GABRG3: variants seen among roughly 807,000 people sequenced by gnomAD.
GABRG3 encodes gamma-aminobutyric acid receptor subunit gamma-3.
Under a neutral mutation model 48.8 loss-of-function variants are expected in GABRG3, and 25 were observed. The ratio of observed to expected loss-of-function variants is 0.51; its 90% CI spans 0.37 to 0.72. The LOEUF (loss-of-function observed/expected upper bound fraction) is 0.72, where lower values mean the gene tolerates loss of function less well. Ranked by LOEUF, GABRG3 falls within the 30% of genes least tolerant of loss-of-function variation. The pLI is 0.00. For missense variants in GABRG3, 394 were observed against 577.9 expected, an observed-to-expected ratio of 0.68 and a Z score of 3.26; for synonymous variants, 227 against 217.6, an observed-to-expected ratio of 1.04 and a Z score of -0.38.
chr15:27,455,556 TTGTGTGTGGTG>T (rs1318722887), intron 5 of GABRG3, among the ~76,000 whole-genome samples: 2 of 147,084 alleles, frequency 1.4e-5, no homozygotes, highest in Admixed American at 6.8e-5. Context: ...GTTTGTGAGT[TTGTGTGTGGTG>T]TGTGTGTGGT....
chr15:27,531,931 A>G (rs1566882394), intron 9 of GABRG3, among the ~76,000 whole-genome samples: 1 of 152,152 alleles, frequency 6.6e-6, no homozygotes, highest in Non-Finnish European at 1.5e-5. Context: ...ATTTTTGGTT[A>G]TGCTTCTTGA....
chr15:27,258,288 T>C (rs1244511475), intron 3 of GABRG3, among the ~76,000 whole-genome samples: 1 of 152,106 alleles, frequency 6.6e-6, no homozygotes, highest in East Asian at 1.9e-4. Context: ...ACATAAACAA[T>C]AGTAATGAAA....
intron 3 of GABRG3, among the ~76,000 whole-genome samples, chr15:27,241,271 G>C (rs1473597379): frequency 6.6e-6 from 1 of 152,116 alleles, no homozygotes; most frequent in African/African-American, 2.4e-5. Flanking sequence ...TGAGGGAATG[G>C]GAAACCTGTA....
chr15:27,107,497 C>CT lies in GABRG3; in HGVS notation c.270+80683dup, dbSNP rs528571543. ...ATGAAAAACGTGGATCTCTAGTTTT[C>CT]TTTTTTTGTAGTGTTTTTATTTATT... is the stretch of plus-strand genomic sequence containing the variant. On this transcript the variant is annotated intron_variant, in intron 3 of 9. Coordinates refer to ENST00000615808, the MANE Select transcript of GABRG3 (RefSeq NM_033223.5). Among the ~76,000 whole-genome samples the CT allele has an allele frequency of 2.6e-5, 4 of 151,850 alleles. No individual in the cohort carries two copies. The East Asian group carries it at 7.7e-4, about 29-fold the overall frequency.
intron 5 of GABRG3, among the ~76,000 whole-genome samples, chr15:27,456,035 AC>A (rs1889265783): frequency 6.6e-6 from 1 of 151,956 alleles, no homozygotes; most frequent in South Asian, 2.1e-4. Context: ...TCTGGGGCCC[AC>A]CCTTAGCTTT....
At chr15:27,372,807 C>T (rs1314380845) in intron 5 of GABRG3, among the ~76,000 whole-genome samples, 1 of 152,216 alleles carries the variant, frequency 6.6e-6, no homozygotes, top group Non-Finnish European at 1.5e-5. Context: ...ATACTCACTT[C>T]CCTCCTGGTG....
chr15:27,250,075 T>G (rs1009441906), intron 3 of GABRG3, among the ~76,000 whole-genome samples: 7 of 152,002 alleles, frequency 4.6e-5, no homozygotes, highest in African/African-American at 1.7e-4. Flanking sequence ...TTTTCCCTCC[T>G]CTCCAAAGCC....
intron 2 of GABRG3, among the ~76,000 whole-genome samples, chr15:27,019,561 T>G (rs1895848715): frequency 6.6e-6 from 1 of 152,180 alleles, no homozygotes; most frequent in Non-Finnish European, 1.5e-5. Flanking sequence ...CTTATGACAG[T>G]GCCATGTAAT....
chr15:27,301,925 C>G (rs981980348), intron 3 of GABRG3, among the ~76,000 whole-genome samples: 2 of 152,000 alleles, frequency 1.3e-5, no homozygotes, highest in African/African-American at 4.8e-5. Context: ...TTTTCAAGTG[C>G]TGAGAGGAAA....
At chr15:27,230,957 T>C (rs1190485608) in intron 3 of GABRG3, among the ~76,000 whole-genome samples, 2 of 151,994 alleles carry the variant, frequency 1.3e-5, no homozygotes, top group Non-Finnish European at 2.9e-5. Context: ...GAATAGTGAA[T>C]GTAATTGTTA....
chr15:27,086,228 A>G (rs1897074576), intron 3 of GABRG3, among the ~76,000 whole-genome samples: 1 of 151,848 alleles, frequency 6.6e-6, no homozygotes, highest in African/African-American at 2.4e-5. Context: ...AATATTCCCT[A>G]GGAGCAGGAG....
intron 3 of GABRG3, among the ~76,000 whole-genome samples, chr15:27,196,832 C>G (rs533067006): frequency 5.2e-4 from 79 of 152,264 alleles, no homozygotes; most frequent in African/African-American, 1.9e-3. Context: ...TGTTGTGAAG[C>G]CTAAAGAAGG....
intron 3 of GABRG3, among the ~76,000 whole-genome samples, chr15:27,100,655 T>C (rs1897339646): frequency 6.6e-6 from 1 of 152,174 alleles, no homozygotes; most frequent in South Asian, 2.1e-4. Context: ...CTTTCAGGTA[T>C]AGAAGGTTGA....
At chr15:27,052,061 G>T (rs985216503) in intron 3 of GABRG3, among the ~76,000 whole-genome samples, 1 of 152,156 alleles carries the variant, frequency 6.6e-6, no homozygotes, top group Non-Finnish European at 1.5e-5. Context: ...TCTCTTGCTC[G>T]CCCGCCTCTC....
intron 3 of GABRG3, among the ~76,000 whole-genome samples, chr15:27,233,326 TG>T (rs1889856620): frequency 6.6e-6 from 1 of 152,150 alleles, no homozygotes; most frequent in African/African-American, 2.4e-5. Context: ...CAAGGGTGTC[TG>T]TCTTAGTCAG....
chr15:27,267,508 T>C (rs1317873669), intron 3 of GABRG3, among the ~76,000 whole-genome samples: 2 of 151,896 alleles, frequency 1.3e-5, no homozygotes, highest in African/African-American at 2.4e-5. Flanking sequence ...GGTGCAATCA[T>C]AGTTCACTGC....
rs979355490 is a variant in GABRG3, at chr15:27,392,871, A to G, written c.574+63983A>G. Among the ~76,000 whole-genome samples, 3 of 152,206 alleles carry G rather than the reference A, an allele frequency of 2.0e-5. No individual in the cohort carries two copies. The East Asian group carries it at 5.8e-4, about 29-fold the overall frequency. ...CTCCAGCGTTGGCCATTGGGAGCAC[A>G]TTCTGTTAGCTCCTTTGTTCCTTTG... On this transcript the variant is annotated intron_variant, in intron 5 of 9. Transcript: ENST00000615808.
Position 27,540,587 on chromosome 15 carries a change from ACT to A in GABRG3, c.*7707_*7708del, listed in dbSNP as rs1190177867. The A allele has an allele frequency of 3.3e-5, 5 of 152,264 alleles. No individual in the cohort carries two copies. Among genetic ancestry groups the A allele is most frequent in the Non-Finnish European group, 7.3e-5 (5 of 68,042 alleles). The allele number at this position is 152,264 out of a possible 1,614,324, so 9.4% of individuals were successfully genotyped here. A position where few individuals can be genotyped will look rare whatever the true frequency, so the allele number is the denominator to read the frequency against. ...ATTTTATTAAAACAGTCTAAAAGAC[ACT>A]GTCCATCATTCTTGACATTTGATAT... On this transcript the variant is annotated 3_prime_UTR_variant, in exon 10 of 10. Transcript: ENST00000615808.
chr15:27,172,443 C>T (rs1887604236), intron 3 of GABRG3, among the ~76,000 whole-genome samples: 1 of 152,126 alleles, frequency 6.6e-6, no homozygotes, highest in African/African-American at 2.4e-5. Context: ...ACCACCCTTT[C>T]TTTCTCCCTT....
Sources: allele counts gnomAD v4.1 joint callset (sites outside exome capture counted in the v4.1 genomes callset), GRCh38; gene constraint gnomAD v4.1.1; transcripts MANE v1.5; gene names NCBI Gene and HGNC (gene_info 2026-07-23, HGNC 2026-07-21).